Variants in PFKFB2 observed in about 807,000 individuals in gnomAD.
The protein encoded by PFKFB2 is 6-phosphofructo-2-kinase/fructose-2,6-bisphosphatase 2.
Under a neutral mutation model 68.0 loss-of-function variants are expected in PFKFB2, and 53 were observed. The observed-to-expected ratio is 0.78, with a 90% confidence interval of 0.63 to 0.98. The LOEUF (loss-of-function observed/expected upper bound fraction) is 0.98, where lower values mean the gene tolerates loss of function less well. Ranked by LOEUF, PFKFB2 falls within the 50% of genes least tolerant of loss-of-function variation. PFKFB2 has a pLI of 0.00. For synonymous variants in PFKFB2, 222 were observed against 227.6 expected (o/e 0.98, Z 0.22); for missense variants, 451 against 642.0 (o/e 0.70, Z 3.22).
Position 207,075,296 on chromosome 1 carries a change from T to TA in PFKFB2, c.*2925_*2926insA. On this transcript the variant is annotated 3_prime_UTR_variant, in exon 15 of 15. Transcript: ENST00000367080. ...CAGAAGAGGAGCTGAGGTGGTCTTA[T>TA]CCTCAGATAGGACATGAGAAATTGG... 1 of 985,394 alleles carries TA rather than the reference T, an allele frequency of 1.0e-6. No homozygotes were observed. The highest frequency in any genetic ancestry group is 1.2e-6 in the Non-Finnish European group (1 of 829,898). The allele number at this position is 985,394 out of a possible 1,614,324, so 61.0% of individuals were successfully genotyped here.
Position 207,070,667 on chromosome 1 carries a change from T to C in PFKFB2, c.1222+258T>C, listed in dbSNP as rs1683439166. The C allele has an allele frequency of 2.3e-6, 1 of 434,560 alleles. No homozygotes were observed. Among genetic ancestry groups the C allele is most frequent in the African/African-American group, 2.0e-5 (1 of 49,142 alleles). The allele number at this position is 434,560 out of a possible 1,614,324, so 26.9% of individuals were successfully genotyped here. ...CCTGGCTCAAGGGCCAGTGTCATGC[T>C]GACACTCCTGGCAGCATCAGGACAG... On this transcript the variant is annotated intron_variant, in intron 12 of 14. Transcript: ENST00000367080. This position sits in a 1 kb window ranked among gnomAD's most constrained non-coding sequence, Gnocchi z 4.2.
Position 207,074,645 on chromosome 1 carries a change from T to A in PFKFB2, c.*2274T>A. On this transcript the variant is annotated 3_prime_UTR_variant, in exon 15 of 15. Coordinates refer to ENST00000367080, the MANE Select transcript of PFKFB2 (RefSeq NM_006212.2). Reference sequence around the variant, plus strand: ...TAAGTAACCTGCTATTCCTGTTTAGTGGTTACATAACATGTACTTAGTGTC... The same window carrying A: ...TAAGTAACCTGCTATTCCTGTTTAGAGGTTACATAACATGTACTTAGTGTC... 1 of 985,416 alleles carries A rather than the reference T, an allele frequency of 1.0e-6. No homozygotes were observed. Among genetic ancestry groups the A allele is most frequent in the Non-Finnish European group, 1.2e-6 (1 of 829,916 alleles). 61.0% of individuals were successfully genotyped at this position (985,416 alleles called of 1,614,324 possible). A position where few individuals can be genotyped will look rare whatever the true frequency, so the allele number is the denominator to read the frequency against.
intron 1 of PFKFB2, chr1:207,042,048 T>A (rs1286427460): frequency 6.6e-6 from 1 of 152,230 alleles, no homozygotes; most frequent in Non-Finnish European, 1.5e-5. Context: ...TCTATCCTTT[T>A]TTAGTCTGAG....
intron 1 of PFKFB2, chr1:207,035,045 A>T (rs1218804784): frequency 3.5e-6 from 2 of 571,126 alleles, no homozygotes; most frequent in Non-Finnish European, 4.4e-6. Flanking sequence ...TGAAAGAATA[A>T]GACTTCCTGG....
intron 1 of PFKFB2, among the ~76,000 whole-genome samples, chr1:207,054,263 C>T (rs1273712211): frequency 6.6e-6 from 1 of 152,034 alleles, no homozygotes; most frequent in Non-Finnish European, 1.5e-5. Flanking sequence ...TAATGTACTT[C>T]GTCTATACAT....
chr1:207,067,215 T>C (rs1256815741), intron 8 of PFKFB2, among the ~76,000 whole-genome samples: 2 of 152,234 alleles, frequency 1.3e-5, no homozygotes, highest in Admixed American at 6.5e-5. Context: ...TAGCCCCTGA[T>C]GGGAAGGCTG....
At chr1:207,079,686 C>T (rs3748671), downstream of PFKFB2, 73,778 of 152,166 alleles carry the variant, frequency 0.48, 20,300 homozygotes, top group East Asian at 0.89. Flanking sequence ...TACCCATCTT[C>T]TAAGTTCCCT....
At chr1:207,054,403 A>G (rs1040972287) in intron 1 of PFKFB2, among the ~76,000 whole-genome samples, 1 of 152,230 alleles carries the variant, frequency 6.6e-6, no homozygotes, top group African/African-American at 2.4e-5. Flanking sequence ...AATGAGAAGA[A>G]ATAATGGTGG....
rs1467247865 is a variant in PFKFB2, at chr1:207,076,096, A to G, written c.*3725A>G. On this transcript the variant is annotated 3_prime_UTR_variant, in exon 15 of 15. Coordinates refer to ENST00000367080, the MANE Select transcript of PFKFB2 (RefSeq NM_006212.2). The stretch of plus-strand genomic sequence containing the variant: ...AAGAAGTTGGAGTTAAGGACACAAT[A>G]TATTTGTACCCCTAGACTGAATGGG... The G allele has an allele frequency of 2.0e-6, 2 of 985,230 alleles. No homozygotes were observed. Among genetic ancestry groups the G allele is most frequent in the East Asian group, 1.1e-4 (1 of 8,832 alleles). 61.0% of individuals were successfully genotyped at this position (985,230 alleles called of 1,614,324 possible). A position where few individuals can be genotyped will look rare whatever the true frequency, so the allele number is the denominator to read the frequency against.
At position 207,065,156 on chromosome 1, in the gene PFKFB2, G is replaced by A. The variant is rs758627461; in HGVS notation, c.628G>A (p.Asp210Asn). The change falls in exon 8 of 15, where the codon GAC (aspartate) becomes AAC (asparagine). Residue 210 changes from aspartate (D) to asparagine (N), a missense_variant. By Grantham distance (23) the Asp-to-Asn change is conservative (BLOSUM62 1). Transcript: ENST00000367080. ...TYRPLDPDNYDKDLSFIKVIN... is the reference protein window; with the variant it reads ...TYRPLDPDNYNKDLSFIKVIN... ...CCGACCTCTTGACCCAGACAACTAT[G>A]ACAAGTAAGGTTTAAGGCCATGGTT... 1.2e-6 allele frequency: 2 copies of A among 1,613,692 alleles called. No individual in the cohort carries two copies. Among genetic ancestry groups the A allele is most frequent in the Non-Finnish European group, 1.7e-6 (2 of 1,179,822 alleles).
chr1:207,035,959 A>G (rs576737995), intron 1 of PFKFB2, among the ~76,000 whole-genome samples: 10 of 152,336 alleles, frequency 6.6e-5, no homozygotes, highest in African/African-American at 2.4e-4. Context: ...CACTTATCAC[A>G]TAGTACGTTA....
At position 207,076,766 on chromosome 1, in the gene PFKFB2, G is replaced by C; in HGVS notation, c.*4395G>C. 1.8e-5 allele frequency: 17 copies of C among 968,052 alleles called. No homozygotes were observed. The highest frequency in any genetic ancestry group is 2.1e-5 in the Non-Finnish European group (17 of 821,856). 60.0% of individuals were successfully genotyped at this position (968,052 alleles called of 1,614,324 possible). On this transcript the variant is annotated 3_prime_UTR_variant, in exon 15 of 15. Coordinates refer to ENST00000367080, the MANE Select transcript of PFKFB2 (RefSeq NM_006212.2). ...AGGATCTGTTTGTCACTGACAGACT[G>C]TAGTAGTGTCTGTGTGCTGACTGAT...
chr1:207,072,081 G>T (rs889601304), intron 14 of PFKFB2, 123 bp from the exon 15 acceptor site: 2 of 1,499,138 alleles, frequency 1.3e-6, no homozygotes, highest in Non-Finnish European at 1.8e-6. Context: ...CCCTGTGAGG[G>T]ACCCTGTGTG....
intron 1 of PFKFB2, among the ~76,000 whole-genome samples, chr1:207,038,249 A>T (rs1369833664): frequency 6.6e-6 from 1 of 152,198 alleles, no homozygotes; most frequent in Non-Finnish European, 1.5e-5. Context: ...CCAGCCCCTT[A>T]TTAGGTGTTA....
At chr1:207,039,946 G>A (rs1231972800) in intron 1 of PFKFB2, among the ~76,000 whole-genome samples, 1 of 152,146 alleles carries the variant, frequency 6.6e-6, no homozygotes, top group Non-Finnish European at 1.5e-5. Flanking sequence ...TGGTACTTCT[G>A]ACAGCTTAAG....
rs527584734 is a variant in PFKFB2 at position 207,039,419 on chromosome 1, C to A, written c.-61-2750C>A. Among the ~76,000 whole-genome samples the A allele has an allele frequency of 3.3e-5, 5 of 152,168 alleles. No homozygotes were observed. The South Asian group carries it at 1.0e-3, about 32-fold the overall frequency. On this transcript the variant is annotated intron_variant, in intron 1 of 5. Coordinates refer to the PFKFB2 transcript ENST00000545806. ...AGACTCTAAAAATAGATTCTTATTC[C>A]ATAAAAAGGACATTTCCATTTAATT...
In PFKFB2 at chr1:207,076,430, T is replaced by C. The variant is rs1683625156; in HGVS notation, c.*4059T>C. Reference sequence around the variant, plus strand: ...CCCAGAAGCCATGTTGTGTTCATTGTTAAGAAATTTGATAGATTTACCCAG... The same window carrying C: ...CCCAGAAGCCATGTTGTGTTCATTGCTAAGAAATTTGATAGATTTACCCAG... On this transcript the variant is annotated 3_prime_UTR_variant, in exon 15 of 15. Coordinates refer to ENST00000367080, the MANE Select transcript of PFKFB2 (RefSeq NM_006212.2). The C allele has an allele frequency of 1.0e-6, 1 of 985,146 alleles. No homozygotes were observed. Among genetic ancestry groups the C allele is most frequent in the African/African-American group, 1.7e-5 (1 of 57,208 alleles). 61.0% of individuals were successfully genotyped at this position (985,146 alleles called of 1,614,324 possible). A position where few individuals can be genotyped will look rare whatever the true frequency, so the allele number is the denominator to read the frequency against.
At position 207,077,723 on chromosome 1, in the gene PFKFB2, G is replaced by A; in HGVS notation, c.*5352G>A. The A allele has an allele frequency of 1.0e-6, 1 of 985,038 alleles. No individual in the cohort carries two copies. Among genetic ancestry groups the A allele is most frequent in the Non-Finnish European group, 1.2e-6 (1 of 829,180 alleles). 61.0% of individuals were successfully genotyped at this position (985,038 alleles called of 1,614,324 possible). On this transcript the variant is annotated 3_prime_UTR_variant, in exon 15 of 15. Coordinates refer to ENST00000367080, the MANE Select transcript of PFKFB2 (RefSeq NM_006212.2). ...CACTGATAACAAAGTATGCCACTCAGATCCATTTAAAGTGTGCATAACTGT... is the reference window on the plus strand; with the variant it reads ...CACTGATAACAAAGTATGCCACTCAAATCCATTTAAAGTGTGCATAACTGT...
At chr1:207,058,040 A>G (rs560947787) in intron 2 of PFKFB2, among the ~76,000 whole-genome samples, 1 of 152,356 alleles carries the variant, frequency 6.6e-6, no homozygotes, top group South Asian at 2.1e-4. Flanking sequence ...TTGCTCTCCT[A>G]AGAAGTTCTA....
Sources: gnomAD v4.1 joint callset for allele counts (sites outside exome capture counted in the v4.1 genomes callset) on GRCh38, gnomAD v4.1.1 for gene constraint, Gnocchi (gnomAD v3.1) non-coding constraint, MANE v1.5 for transcripts, NCBI Gene and HGNC (gene_info 2026-07-23, HGNC 2026-07-21) for gene names.